BCL11B: variants seen among roughly 807,000 people sequenced by gnomAD.
The protein encoded by BCL11B is BCL11 transcription factor B.
A neutral mutation model predicts 49.9 loss-of-function variants in BCL11B; 8 were observed. The observed-to-expected ratio is 0.16, with a 90% CI of 0.09 to 0.29. BCL11B has a LOEUF of 0.29. Ranked by LOEUF, BCL11B falls within the 10% of genes least tolerant of loss-of-function variation. The pLI is 1.00. For synonymous variants in BCL11B, 739 were observed against 637.4 expected, an observed-to-expected ratio of 1.16 and a Z score of -2.40; for missense variants, 1,006 against 1,351.0, an observed-to-expected ratio of 0.74 and a Z score of 4.00.
chr14:99,257,948 T>C lies in BCL11B; in HGVS notation c.59-109A>G. 7.6e-7 allele frequency: 1 copy of C among 1,309,894 alleles called. No homozygotes were observed. The highest frequency in any genetic ancestry group is 1.0e-6 in the Non-Finnish European group (1 of 999,082). 81.1% of individuals were successfully genotyped at this position (1,309,894 alleles called of 1,614,324 possible). On this transcript the variant is annotated intron_variant, in intron 1 of 3. Coordinates refer to ENST00000357195, the MANE Select transcript of BCL11B (RefSeq NM_138576.4). This position sits in a 1 kb window ranked among gnomAD's most constrained non-coding sequence, Gnocchi z 6.2. ...CCTTCCCCGCCAAGAAGCAGCCCCC[T>C]CTGCTGCTGGCTGCCAGAGCTCACC...
intron 1 of BCL11B, among the ~76,000 whole-genome samples, chr14:99,269,757 T>C (rs1249404029): frequency 6.6e-6 from 1 of 150,716 alleles, no homozygotes; most frequent in African/African-American, 2.4e-5. Context: ...CGCGCAGCCC[T>C]CTCGAGCTCC....
At chr14:99,249,204 G>A (rs904710647) in intron 2 of BCL11B, among the ~76,000 whole-genome samples, 8 of 152,162 alleles carry the variant, frequency 5.3e-5, no homozygotes, top group Non-Finnish European at 1.2e-4. Context: ...AAGAACACAG[G>A]ATCCCACGAG....
intron 1 of BCL11B, among the ~76,000 whole-genome samples, chr14:99,265,871 C>A (rs544593231): frequency 3.9e-5 from 6 of 152,342 alleles, no homozygotes; most frequent in African/African-American, 1.2e-4. Flanking sequence ...AGGGTAACCT[C>A]TTCTGCTCAT....
rs977781195 is a variant in BCL11B, at chr14:99,241,078, T to C, written c.428-9521A>G. On this transcript the variant is annotated intron_variant, in intron 2 of 3. Transcript: ENST00000357195. This position sits in a 1 kb window ranked among gnomAD's most constrained non-coding sequence, Gnocchi z 4.4. ...CTGATGTGCTGGACCTCAGACAGAA[T>C]TGACTGCAGAAACCCTGCAAAGATC... 3.9e-5 allele frequency among the ~76,000 whole-genome samples: 6 copies of C among 152,150 alleles called. No homozygotes were observed. The highest frequency in any genetic ancestry group is 5.9e-5 in the Non-Finnish European group (4 of 68,024).
intron 3 of BCL11B, among the ~76,000 whole-genome samples, chr14:99,211,078 C>T (rs1032356623): frequency 6.6e-6 from 1 of 152,192 alleles, no homozygotes; most frequent in Non-Finnish European, 1.5e-5. Context: ...CGGGCCCCGT[C>T]CTGAGCCATC....
chr14:99,206,871 G>A (rs1017886189), intron 3 of BCL11B, among the ~76,000 whole-genome samples: 1 of 152,168 alleles, frequency 6.6e-6, no homozygotes. Context: ...CCAAGGATTA[G>A]GAGGAGACTA....
intron 3 of BCL11B, among the ~76,000 whole-genome samples, chr14:99,209,188 C>A (rs919235533): frequency 1.3e-5 from 2 of 152,102 alleles, no homozygotes; most frequent in Non-Finnish European, 2.9e-5. Flanking sequence ...ATTTGCAAGA[C>A]GGGAGCTGCC....
intron 2 of BCL11B, among the ~76,000 whole-genome samples, chr14:99,233,136 T>C (rs1202969884): frequency 6.6e-6 from 1 of 152,130 alleles, no homozygotes; most frequent in Non-Finnish European, 1.5e-5. Flanking sequence ...AGGACCTGCC[T>C]CCTCCTGGAA....
chr14:99,266,774 C>T (rs1156825063), intron 1 of BCL11B, among the ~76,000 whole-genome samples: 1 of 152,202 alleles, frequency 6.6e-6, no homozygotes, highest in Admixed American at 6.5e-5. Flanking sequence ...CTCGGCGTTT[C>T]AGCTTGCCAT....
At chr14:99,212,358 G>A (rs370122671) in intron 3 of BCL11B, among the ~76,000 whole-genome samples, 3 of 152,286 alleles carry the variant, frequency 2.0e-5, no homozygotes, top group East Asian at 3.9e-4. Flanking sequence ...GGGCCTGGGC[G>A]GGCAGCCAAC....
In BCL11B at chr14:99,224,911, A is replaced by G. The variant is rs186870976; in HGVS notation, c.640+6434T>C. ...GACATTTAACTTCAAACACACATCC[A>G]TGCCACAGAGCCCCACAGGGACAGG... On this transcript the variant is annotated intron_variant, in intron 3 of 3. Transcript: ENST00000357195. Among the ~76,000 whole-genome samples the G allele has an allele frequency of 3.1e-4, 47 of 152,272 alleles. 1 individual carries two copies. In the East Asian group the frequency reaches 4.4e-3, roughly 14 times the overall value.
intron 3 of BCL11B, among the ~76,000 whole-genome samples, chr14:99,224,735 T>G (rs973059779): frequency 2.6e-5 from 4 of 152,150 alleles, no homozygotes; most frequent in Admixed American, 2.6e-4. Context: ...TGTCCCCATT[T>G]TACAGGTGGG....
At chr14:99,235,945 C>A (rs947653026) in intron 2 of BCL11B, among the ~76,000 whole-genome samples, 4 of 151,842 alleles carry the variant, frequency 2.6e-5, no homozygotes, top group African/African-American at 9.7e-5. Flanking sequence ...AATCAAAACG[C>A]CAGAGCCTGT....
At chr14:99,235,374 G>A (rs903292941) in intron 2 of BCL11B, among the ~76,000 whole-genome samples, 1 of 152,206 alleles carries the variant, frequency 6.6e-6, no homozygotes, top group Non-Finnish European at 1.5e-5. Context: ...CAGCGCGTGT[G>A]AGTGAGGGAC....
At chr14:99,176,265 G>C (rs1886526566) in intron 3 of BCL11B, 70 bp from the exon 4 acceptor site, 6 of 1,445,658 alleles carry the variant, frequency 4.2e-6, no homozygotes, top group Non-Finnish European at 5.6e-6. Flanking sequence ...GCACCGCAGG[G>C]CCACTGGCCT....
chr14:99,199,294 A>C (rs2139814342), intron 3 of BCL11B, among the ~76,000 whole-genome samples: 1 of 152,312 alleles, frequency 6.6e-6, no homozygotes, highest in Middle Eastern at 3.4e-3. Flanking sequence ...CTCCTTAATA[A>C]ATACCACTGA....
At chr14:99,223,310 G>C (rs1888064772) in intron 3 of BCL11B, among the ~76,000 whole-genome samples, 1 of 152,148 alleles carries the variant, frequency 6.6e-6, no homozygotes, top group African/African-American at 2.4e-5. Flanking sequence ...TTATTACATA[G>C]AACCATTTTT....
intron 3 of BCL11B, among the ~76,000 whole-genome samples, chr14:99,207,936 G>A (rs1413466186): frequency 2.0e-5 from 3 of 152,198 alleles, no homozygotes; most frequent in African/African-American, 4.8e-5. Flanking sequence ...GCAAGTAACA[G>A]GCCCCTGAGT....
intron 1 of BCL11B, among the ~76,000 whole-genome samples, chr14:99,258,334 C>T (rs1889235555): frequency 3.9e-5 from 6 of 152,174 alleles, no homozygotes; most frequent in Admixed American, 3.9e-4. Flanking sequence ...CAGGTGATTC[C>T]AATGGGCAGC....
Sources: gnomAD v4.1 joint callset for allele counts (sites outside exome capture counted in the v4.1 genomes callset) on GRCh38, gnomAD v4.1.1 for gene constraint, Gnocchi (gnomAD v3.1) non-coding constraint, MANE v1.5 for transcripts, NCBI Gene and HGNC (gene_info 2026-07-23, HGNC 2026-07-21) for gene names.